GULP1: variants seen among roughly 807,000 people sequenced by gnomAD.
GULP1 encodes PTB domain-containing engulfment adapter protein 1.
Under a neutral mutation model 40.9 loss-of-function variants are expected in GULP1, and 19 were observed. The observed-to-expected ratio is 0.46, with a 90% CI of 0.32 to 0.68. The LOEUF is 0.68. GULP1 is among the 30% of genes least tolerant of loss of function. The pLI, the probability that GULP1 is intolerant of heterozygous loss-of-function variation, is 0.03. For missense variants in GULP1, 312 were observed against 362.2 expected, an observed-to-expected ratio of 0.86 and a Z score of 1.12; for synonymous variants, 119 against 117.6, an observed-to-expected ratio of 1.01 and a Z score of -0.08.
intron 2 of GULP1, among the ~76,000 whole-genome samples, chr2:188,461,163 C>T (rs2059673485): frequency 6.6e-6 from 1 of 151,940 alleles, no homozygotes; most frequent in Non-Finnish European, 1.5e-5. Flanking sequence ...CAGGATAATC[C>T]TGGCCTCATA....
chr2:188,535,010 TAATA>T (rs1476534118), intron 6 of GULP1, among the ~76,000 whole-genome samples: 2 of 151,340 alleles, frequency 1.3e-5, no homozygotes, highest in East Asian at 3.9e-4. Context: ...TAATATTTAA[TAATA>T]AATTGTTATT....
chr2:188,334,744 T>C (rs2042046293), intron 1 of GULP1, among the ~76,000 whole-genome samples: 1 of 152,264 alleles, frequency 6.6e-6, no homozygotes, highest in Non-Finnish European at 1.5e-5. Context: ...GCAACTTTTC[T>C]GTAATTCCAA....
chr2:188,578,637 T>C (rs1338755396), intron 9 of GULP1, among the ~76,000 whole-genome samples: 2 of 152,090 alleles, frequency 1.3e-5, no homozygotes, highest in Non-Finnish European at 2.9e-5. Context: ...ACAACTTCTG[T>C]ATAATTACCA....
At chr2:188,592,326 T>C (rs1206522395) in intron 11 of GULP1, 2 of 152,002 alleles carry the variant, frequency 1.3e-5, no homozygotes, top group East Asian at 1.9e-4. Context: ...ATTTGTAATA[T>C]ACCAGAAGAT....
intron 2 of GULP1, among the ~76,000 whole-genome samples, chr2:188,448,802 C>T (rs1363091164): frequency 6.6e-6 from 1 of 152,044 alleles, no homozygotes; most frequent in Non-Finnish European, 1.5e-5. Context: ...TGTGGCTGTC[C>T]TAATGATAGT....
chr2:188,481,181 G>A (rs956977852), intron 3 of GULP1, among the ~76,000 whole-genome samples: 2 of 151,896 alleles, frequency 1.3e-5, no homozygotes, highest in Non-Finnish European at 2.9e-5. Flanking sequence ...TTAATTCAAG[G>A]AAGAGGAACT....
intron 2 of GULP1, among the ~76,000 whole-genome samples, chr2:188,448,365 AC>A (rs2058567906): frequency 6.6e-6 from 1 of 152,140 alleles, no homozygotes; most frequent in Non-Finnish European, 1.5e-5. Context: ...TTCCCATGTC[AC>A]TGAAAAGAAT....
chr2:188,547,541 G>T lies in GULP1; in HGVS notation c.399+6223G>T, dbSNP rs76546293. Among the ~76,000 whole-genome samples the T allele has an allele frequency of 5.2e-3, 790 of 152,184 alleles. 58 individuals are homozygous for T. The East Asian group carries it at 0.14, about 27-fold the overall frequency. ...ACAGGAGAAAGATGTAGGCTGGGAG[G>T]TTAAGCCAGTCTAGCCTTTTCATGT... On this transcript the variant is annotated intron_variant, in intron 7 of 11. Transcript: ENST00000409830.
intron 2 of GULP1, among the ~76,000 whole-genome samples, chr2:188,428,724 G>C (rs572879171): frequency 2.1e-4 from 32 of 152,246 alleles, no homozygotes; most frequent in African/African-American, 7.5e-4. Flanking sequence ...GGGGAACCAT[G>C]AGCCAATTTA....
At chr2:188,540,645 A>G (rs945965157) in intron 6 of GULP1, among the ~76,000 whole-genome samples, 1 of 152,122 alleles carries the variant, frequency 6.6e-6, no homozygotes, top group African/African-American at 2.4e-5. Context: ...ATGAGTTACC[A>G]TGAAATTATA....
intron 1 of GULP1, among the ~76,000 whole-genome samples, chr2:188,358,972 A>T (rs2045734087): frequency 6.6e-6 from 1 of 152,218 alleles, no homozygotes; most frequent in Non-Finnish European, 1.5e-5. Flanking sequence ...TGGTTTATAG[A>T]TTCTTTTTAT....
intron 2 of GULP1, among the ~76,000 whole-genome samples, chr2:188,467,919 A>C (rs190053742): frequency 1.3e-5 from 2 of 152,294 alleles, no homozygotes; most frequent in Non-Finnish European, 2.9e-5. Flanking sequence ...ATTAGATGCT[A>C]ACATAATTTC....
chr2:188,577,539 TA>T (rs1397467727), intron 9 of GULP1, among the ~76,000 whole-genome samples: 1 of 152,094 alleles, frequency 6.6e-6, no homozygotes, highest in African/African-American at 2.4e-5. Flanking sequence ...TCTAAAAGCA[TA>T]AACCCTGTCT....
At chr2:188,351,812 T>G (rs989727199) in intron 1 of GULP1, among the ~76,000 whole-genome samples, 6 of 152,212 alleles carry the variant, frequency 3.9e-5, no homozygotes, top group Non-Finnish European at 8.8e-5. Context: ...TGAGAATTCC[T>G]GTACATACTT....
intron 2 of GULP1, among the ~76,000 whole-genome samples, chr2:188,401,306 G>C (rs2052257606): frequency 6.6e-6 from 1 of 152,098 alleles, no homozygotes; most frequent in Non-Finnish European, 1.5e-5. Flanking sequence ...TGTATCTATA[G>C]TAAGATCTCG....
At chr2:188,341,635 A>G (rs1331228868) in intron 1 of GULP1, among the ~76,000 whole-genome samples, 1 of 152,218 alleles carries the variant, frequency 6.6e-6, no homozygotes, top group Non-Finnish European at 1.5e-5. Context: ...ATTTTCAGAC[A>G]ATACATTATG....
intron 4 of GULP1, among the ~76,000 whole-genome samples, chr2:188,502,885 A>G (rs1488743866): frequency 6.6e-6 from 1 of 151,920 alleles, no homozygotes; most frequent in Non-Finnish European, 1.5e-5. Context: ...ATGTCTGATA[A>G]GGATCCTGTC....
chr2:188,380,200 A>G (rs1013927080), intron 1 of GULP1, among the ~76,000 whole-genome samples: 1 of 152,164 alleles, frequency 6.6e-6, no homozygotes, highest in Admixed American at 6.5e-5. Context: ...GATTGCTCCA[A>G]GCTACTTAGG....
At chr2:188,386,302 T>C (rs1181641401) in intron 2 of GULP1, among the ~76,000 whole-genome samples, 1 of 152,118 alleles carries the variant, frequency 6.6e-6, no homozygotes, top group African/African-American at 2.4e-5. Context: ...CTCACTATCA[T>C]GAGAACAGCG....
Sources: allele counts gnomAD v4.1 joint callset (sites outside exome capture counted in the v4.1 genomes callset), GRCh38; gene constraint gnomAD v4.1.1; transcripts MANE v1.5; gene names NCBI Gene and HGNC (gene_info 2026-07-23, HGNC 2026-07-21).